Variants in HAVCR2 observed in about 807,000 individuals in gnomAD.
HAVCR2 encodes the protein hepatitis A virus cellular receptor 2, also known as T cell immunoglobulin mucin 3.
A neutral mutation model predicts 24.7 loss-of-function variants in HAVCR2; 13 were observed. The observed-to-expected ratio is 0.53, with a 90% CI of 0.34 to 0.84. The LOEUF (loss-of-function observed/expected upper bound fraction) is 0.84. HAVCR2 is among the 40% of genes least tolerant of loss of function. The pLI is 0.01. For synonymous variants in HAVCR2, 154 were observed against 143.4 expected (o/e 1.07, Z -0.53); for missense variants, 343 against 371.2 (o/e 0.92, Z 0.62).
intron 1 of HAVCR2, among the ~76,000 whole-genome samples, chr5:157,107,859 GC>G (rs34663733): frequency 0.37 from 48,483 of 129,898 alleles, 8,524 homozygotes; most frequent in African/African-American, 0.47. Context: ...TTTTTCCTCT[GC>G]CCCCCCCCCT....
intron 3 of HAVCR2, among the ~76,000 whole-genome samples, chr5:157,099,655 A>G (rs13188080): frequency 0.76 from 115,026 of 151,968 alleles, 43,583 homozygotes; most frequent in East Asian, 0.93. Context: ...GCTGGAGTGC[A>G]GTGGCACAAT....
intron 5 of HAVCR2, among the ~76,000 whole-genome samples, chr5:157,094,498 C>T (rs370572220): frequency 3.3e-5 from 5 of 152,006 alleles, no homozygotes; most frequent in African/African-American, 7.2e-5. Flanking sequence ...ATTCCTCTGC[C>T]TCAGCCTCCT....
intron 4 of HAVCR2, among the ~76,000 whole-genome samples, chr5:157,098,496 A>G (rs1362444391): frequency 2.0e-5 from 3 of 152,034 alleles, no homozygotes; most frequent in African/African-American, 7.2e-5. Context: ...ACTCTTTCCC[A>G]TTAGGATTGC....
At chr5:157,096,399 T>C (rs1298816640) in intron 4 of HAVCR2, among the ~76,000 whole-genome samples, 1 of 152,202 alleles carries the variant, frequency 6.6e-6, no homozygotes, top group Non-Finnish European at 1.5e-5. Flanking sequence ...TCTAGTTAAC[T>C]TGATTTTCTG....
chr5:157,104,451 G>A (rs1039029401), intron 3 of HAVCR2, among the ~76,000 whole-genome samples: 1 of 152,116 alleles, frequency 6.6e-6, no homozygotes, highest in African/African-American at 2.4e-5. Flanking sequence ...CTTTTTTCCA[G>A]TTAAAATTTA....
Position 157,109,044 on chromosome 5 carries a change from T to C in HAVCR2, c.-61A>G. Reference sequence around the variant, plus strand: ...TTAGGCACAGTTTTAACTCTCCAAATGGACTGGGTACTTCTTCCAACTGTC... The same window carrying C: ...TTAGGCACAGTTTTAACTCTCCAAACGGACTGGGTACTTCTTCCAACTGTC... On this transcript the variant is annotated 5_prime_UTR_variant, in exon 1 of 7. Transcript: ENST00000307851. 6.8e-7 allele frequency: 1 copy of C among 1,479,298 alleles called. No individual in the cohort carries two copies. The highest frequency in any genetic ancestry group is 9.4e-7 in the Non-Finnish European group (1 of 1,060,322). 91.6% of individuals were successfully genotyped at this position (1,479,298 alleles called of 1,614,324 possible).
chr5:157,106,703 C>T lies in HAVCR2; in HGVS notation c.318G>A (p.Gly106=). 6.2e-7 allele frequency: 1 copy of T among 1,614,204 alleles called. No homozygotes were observed. The highest frequency in any genetic ancestry group is 1.6e-4 in the Middle Eastern group (1 of 6,062). Residue 106 remains glycine, a synonymous_variant, in exon 2 of 7, where the codon GGG becomes GGA. Coordinates refer to ENST00000307851, the MANE Select transcript of HAVCR2 (RefSeq NM_032782.5). ...TIENVTLADS[G]IYCCRIQIPG... ...GGATTTGGATCCGGCAGCAGTAGATCCCACTGTCTGCTAGAGTCACATTCT... is the reference window on the plus strand; with the variant it reads ...GGATTTGGATCCGGCAGCAGTAGATTCCACTGTCTGCTAGAGTCACATTCT...
chr5:157,106,802 C>A lies in HAVCR2; in HGVS notation c.219G>T (p.Arg73Ser). The change falls in exon 2 of 7, where the codon AGG becomes AGT. Residue 73 changes from arginine (R) to serine (S), a missense_variant. Arg to Ser is a moderately radical substitution (Grantham distance 110, BLOSUM62 -1). Coordinates refer to ENST00000307851, the MANE Select transcript of HAVCR2 (RefSeq NM_032782.5). ...ATCTGGATGTCCAATAATTCACATC[C>A]CTTTCATCAGTCCTGAGCACCACGT... ...CGNVVLRTDE[R>S]DVNYWTSRYW... 1 of 1,614,168 alleles carries A rather than the reference C, an allele frequency of 6.2e-7. No individual in the cohort carries two copies.
At position 157,086,556 on chromosome 5, in the gene HAVCR2, G is replaced by A. The variant is rs34597641; in HGVS notation, c.*546C>T. 6,143 of 152,980 alleles carry A rather than the reference G, an allele frequency of 0.04. 305 individuals carry two copies. The highest frequency in any genetic ancestry group is 0.12 in the African/African-American group (4,983 of 41,558). The allele number at this position is 152,980 out of a possible 1,614,324, so 9.5% of individuals were successfully genotyped here. A position where few individuals can be genotyped will look rare whatever the true frequency, so the allele number is the denominator to read the frequency against. On this transcript the variant is annotated 3_prime_UTR_variant, in exon 7 of 7. Coordinates refer to ENST00000307851, the MANE Select transcript of HAVCR2 (RefSeq NM_032782.5). The stretch of plus-strand genomic sequence containing the variant: ...CCAGCCACTCAGGAGGCTGAGGCAG[G>A]AGAATCGCTTGAACCCAGGAGGCGG...
At position 157,106,690 on chromosome 5, in the gene HAVCR2, G is replaced by A. The variant is rs145478313; in HGVS notation, c.331C>T (p.Arg111Trp). The A allele has an allele frequency of 4.1e-5, 66 of 1,614,034 alleles. No individual in the cohort carries two copies. The highest frequency in any genetic ancestry group is 2.3e-4 in the Admixed American group (14 of 59,998). The change falls in exon 2 of 7, where the codon CGG becomes TGG. Residue 111 changes from arginine (R) to tryptophan (W), a missense_variant. Physicochemically the swap from Arg to Trp is moderately radical, Grantham distance 101. Transcript: ENST00000307851. Reference sequence around the variant, plus strand: ...TTCATTATGCCTGGGATTTGGATCCGGCAGCAGTAGATCCCACTGTCTGCT... The same window carrying A: ...TTCATTATGCCTGGGATTTGGATCCAGCAGCAGTAGATCCCACTGTCTGCT... The part of the protein sequence containing the change: ...TLADSGIYCC[R>W]IQIPGIMNDE...
chr5:157,107,102 A>G (rs1757264267), intron 1 of HAVCR2, 140 bp from the exon 2 acceptor site: 3 of 685,308 alleles, frequency 4.4e-6, no homozygotes, highest in African/African-American at 3.6e-5. Flanking sequence ...CGCTGTGACA[A>G]TGCTTCTCAG....
chr5:157,102,944 A>AAC (rs1214972632), intron 3 of HAVCR2, among the ~76,000 whole-genome samples: 1 of 151,442 alleles, frequency 6.6e-6, no homozygotes, highest in Non-Finnish European at 1.5e-5. Context: ...CAAAAAAAAA[A>AAC]AAAAAGGAAA....
chr5:157,093,811 G>T (rs531295827), intron 5 of HAVCR2, among the ~76,000 whole-genome samples: 5 of 152,140 alleles, frequency 3.3e-5, no homozygotes, highest in Admixed American at 2.0e-4. Context: ...CAGGCGTGGT[G>T]GTACATGCCT....
intron 2 of HAVCR2, chr5:157,106,221 C>T (rs112648950): frequency 0.043 from 7,102 of 163,650 alleles, 477 homozygotes; most frequent in African/African-American, 0.15. Context: ...ACCTCCGACT[C>T]CCAGGTTCAA....
chr5:157,087,427 G>T, intron 6 of HAVCR2, 133 bp from the exon 7 acceptor site: 1 of 529,742 alleles, frequency 1.9e-6, no homozygotes, highest in Non-Finnish European at 2.9e-6. Context: ...CTGAACAAGT[G>T]GAAAAGCCAA....
At chr5:157,092,321 G>A (rs1357530405) in intron 5 of HAVCR2, among the ~76,000 whole-genome samples, 2 of 152,070 alleles carry the variant, frequency 1.3e-5, no homozygotes, top group East Asian at 3.9e-4. Flanking sequence ...GTGAGGCTAA[G>A]TGCAATGACT....
intron 1 of HAVCR2, among the ~76,000 whole-genome samples, chr5:157,108,378 G>C (rs942035829): frequency 2.0e-5 from 3 of 152,006 alleles, no homozygotes; most frequent in African/African-American, 7.2e-5. Flanking sequence ...CAGCTACTCC[G>C]GTGCCTAAGG....
intron 5 of HAVCR2, among the ~76,000 whole-genome samples, chr5:157,091,760 G>C (rs1270590271): frequency 6.6e-6 from 1 of 152,212 alleles, no homozygotes; most frequent in East Asian, 1.9e-4. Context: ...TCTTGGCCTA[G>C]GCAATGGAGA....
intron 5 of HAVCR2, 42 bp downstream of exon 5, chr5:157,095,264 A>C: frequency 6.2e-7 from 1 of 1,604,814 alleles, no homozygotes; most frequent in Non-Finnish European, 8.5e-7. Context: ...GTTCTCACTG[A>C]AGAATTTGTT....
Sources: gnomAD v4.1 joint callset for allele counts (sites outside exome capture counted in the v4.1 genomes callset) on GRCh38, gnomAD v4.1.1 for gene constraint, MANE v1.5 for transcripts, NCBI Gene and HGNC (gene_info 2026-07-23, HGNC 2026-07-21) for gene names.